RBM33: variants seen among roughly 807,000 people sequenced by gnomAD.
RBM33 encodes the protein RNA-binding protein 33.
A neutral mutation model predicts 132.6 loss-of-function variants in RBM33; 28 were observed. The ratio of observed to expected loss-of-function variants is 0.21; its 90% CI spans 0.16 to 0.29. The LOEUF (loss-of-function observed/expected upper bound fraction) is 0.29. Among genes scored for constraint, RBM33 ranks in the 10% least tolerant of loss-of-function variants. The pLI is 1.00. For missense variants in RBM33, 1,291 were observed against 1,518.5 expected (o/e 0.85, Z 2.49); for synonymous variants, 634 against 593.0 (o/e 1.07, Z -1.01).
At position 155,734,180 on chromosome 7, in the gene RBM33, C is replaced by T. The variant is rs545579121; in HGVS notation, c.1261-3350C>T. Among the ~76,000 whole-genome samples the T allele has an allele frequency of 5.3e-5, 8 of 152,354 alleles. No homozygotes were observed. The East Asian group carries it at 9.6e-4, about 18-fold the overall frequency. On this transcript the variant is annotated intron_variant, in intron 9 of 17. Transcript: ENST00000401878. Reference sequence around the variant, plus strand: ...TGAGTTGGCTTGGACCTTGAGGATGCGCTAGTCCAGTTCACTTTTGAGATC... The same window carrying T: ...TGAGTTGGCTTGGACCTTGAGGATGTGCTAGTCCAGTTCACTTTTGAGATC...
chr7:155,655,771 G>GTC (rs1409880716), intron 1 of RBM33, among the ~76,000 whole-genome samples: 1 of 152,086 alleles, frequency 6.6e-6, no homozygotes, highest in East Asian at 1.9e-4. Context: ...AAAAGTACCT[G>GTC]TCCAGCTGGC....
At chr7:155,752,563 AAC>A (rs1554485309) in intron 14 of RBM33, among the ~76,000 whole-genome samples, 3 of 111,588 alleles carry the variant, frequency 2.7e-5, no homozygotes, top group African/African-American at 8.5e-5. Flanking sequence ...TTGAGGTTCT[AAC>A]CTAAGTGTTG....
intron 2 of RBM33, among the ~76,000 whole-genome samples, chr7:155,668,542 G>A (rs775088024): frequency 5.3e-5 from 8 of 152,106 alleles, no homozygotes; most frequent in Admixed American, 2.6e-4. Context: ...GTTCCTCATC[G>A]GAAGCTCCTT....
intron 9 of RBM33, 101 bp downstream of exon 9, chr7:155,718,544 T>G: frequency 1.0e-6 from 1 of 988,262 alleles, no homozygotes; most frequent in Non-Finnish European, 1.6e-6. Context: ...AATATAATTT[T>G]AAGGATTTGC....
chr7:155,645,236 G>T (rs1021612693), intron 1 of RBM33: 9 of 299,614 alleles, frequency 3.0e-5, no homozygotes, highest in African/African-American at 4.4e-5. Context: ...TGTCCTATGG[G>T]TAGGAGAGCG....
intron 8 of RBM33, among the ~76,000 whole-genome samples, chr7:155,713,985 G>A (rs139279396): frequency 7.9e-5 from 12 of 152,202 alleles, no homozygotes; most frequent in African/African-American, 1.9e-4. Flanking sequence ...CAGTTTCCTC[G>A]GTGGGTAGCA....
intron 9 of RBM33, among the ~76,000 whole-genome samples, chr7:155,735,664 C>T (rs181833387): frequency 4.0e-4 from 61 of 152,048 alleles, no homozygotes; most frequent in Non-Finnish European, 6.6e-4. Flanking sequence ...CCACTGCACT[C>T]CAGCCTGGGT....
intron 7 of RBM33, chr7:155,707,326 G>C (rs1407988887): frequency 1.7e-6 from 1 of 595,160 alleles, no homozygotes; most frequent in Non-Finnish European, 3.2e-6. Flanking sequence ...TGAGCGACCT[G>C]ATGCCCTAAG....
intron 1 of RBM33, among the ~76,000 whole-genome samples, chr7:155,646,840 T>C (rs1011984640): frequency 2.0e-5 from 3 of 152,250 alleles, no homozygotes; most frequent in Admixed American, 6.5e-5. Flanking sequence ...AAATGCTACC[T>C]GTTTTACCAT....
chr7:155,720,976 G>T lies in RBM33; in HGVS notation c.1260+2533G>T, dbSNP rs74341809. Among the ~76,000 whole-genome samples the T allele has an allele frequency of 1.5e-4, 23 of 152,288 alleles. No individual in the cohort carries two copies. The East Asian group carries it at 3.7e-3, about 24-fold the overall frequency. On this transcript the variant is annotated intron_variant, in intron 9 of 17. Transcript: ENST00000401878. Reference sequence around the variant, plus strand: ...TTTGAGTCAGTGTGCTTCTTAGTACGCAAAAATAGATTTGAATTCAGAAAT... The same window carrying T: ...TTTGAGTCAGTGTGCTTCTTAGTACTCAAAAATAGATTTGAATTCAGAAAT...
Position 155,745,057 on chromosome 7 carries a change from C to T in RBM33, c.2434C>T (p.Arg812Trp). Residue 812 changes from arginine (R) to tryptophan (W), a missense_variant, in exon 14 of 18, where the codon CGG becomes TGG. By Grantham distance (101) the Arg-to-Trp change is moderately radical. Around this residue, in one of 7 missense-constraint regions of RBM33, gnomAD observed 841 missense variants for 912.0 expected, o/e 0.92. Transcript: ENST00000401878. This position sits in a 1 kb window ranked among gnomAD's most constrained non-coding sequence, Gnocchi z 4.1. ...AATCCTGAAACAGAAGGAGTTACGG[C>T]GGCAGCAGCAGGCTGGTGCCAGGAA... ...EEILKQKELRRQQQAGARKKE... is the reference protein window; with the variant it reads ...EEILKQKELRWQQQAGARKKE... The T allele has an allele frequency of 6.2e-7, 1 of 1,608,666 alleles. No individual in the cohort carries two copies. The highest frequency in any genetic ancestry group is 8.5e-7 in the Non-Finnish European group (1 of 1,177,454).
intron 15 of RBM33, 118 bp from the exon 16 acceptor site, chr7:155,766,349 C>A: frequency 8.8e-7 from 1 of 1,135,164 alleles, no homozygotes; most frequent in Non-Finnish European, 1.2e-6. Context: ...TACAGAAAAT[C>A]CTGTAGCTCA....
chr7:155,737,453 A>G, intron 9 of RBM33, 77 bp from the exon 10 acceptor site: 1 of 1,439,750 alleles, frequency 6.9e-7, no homozygotes, highest in Non-Finnish European at 9.2e-7. Context: ...ACTTGGAACC[A>G]GGTCTATATT....
intron 1 of RBM33, 22 bp downstream of exon 1, chr7:155,644,941 TG>T (rs1286692659): frequency 2.0e-6 from 3 of 1,489,776 alleles, no homozygotes; most frequent in South Asian, 1.3e-5. Flanking sequence ...AGCCGGACTC[TG>T]GGGGCCAGGA....
chr7:155,762,448 A>G (rs999903196), intron 14 of RBM33, among the ~76,000 whole-genome samples: 1 of 152,202 alleles, frequency 6.6e-6, no homozygotes, highest in African/African-American at 2.4e-5. Flanking sequence ...TTTGATTTCC[A>G]GAGTCCTCAA....
intron 1 of RBM33, among the ~76,000 whole-genome samples, chr7:155,661,758 C>T (rs546773850): frequency 2.9e-4 from 44 of 152,048 alleles, no homozygotes; most frequent in Non-Finnish European, 4.3e-4. Flanking sequence ...TATTTTCTTT[C>T]GGTTTTTTGA....
chr7:155,748,443 G>T (rs1027076929), intron 14 of RBM33, among the ~76,000 whole-genome samples: 1 of 152,186 alleles, frequency 6.6e-6, no homozygotes, highest in African/African-American at 2.4e-5. Flanking sequence ...GTGTCCACAG[G>T]ATTGTTCACA....
At chr7:155,696,772 G>A (rs1799805157) in intron 5 of RBM33, among the ~76,000 whole-genome samples, 1 of 152,048 alleles carries the variant, frequency 6.6e-6, no homozygotes, top group Non-Finnish European at 1.5e-5. Context: ...ACTGGTCTAG[G>A]ACCCAAGCCA....
intron 14 of RBM33, among the ~76,000 whole-genome samples, chr7:155,749,582 G>C (rs1338252492): frequency 6.6e-6 from 1 of 152,142 alleles, no homozygotes; most frequent in African/African-American, 2.4e-5. Context: ...AATGCTTAAT[G>C]GGGGCTCCTA....
Sources: allele counts gnomAD v4.1 joint callset (sites outside exome capture counted in the v4.1 genomes callset), GRCh38; gene constraint gnomAD v4.1.1; regional missense constraint gnomAD v4.1.1; non-coding constraint Gnocchi (gnomAD v3.1); transcripts MANE v1.5; gene names NCBI Gene and HGNC (gene_info 2026-07-23, HGNC 2026-07-21).